Variants in CDH12 observed in about 807,000 individuals in gnomAD.
CDH12 encodes the protein cadherin-12.
A neutral mutation model predicts 74.1 loss-of-function variants in CDH12; 41 were observed. That is an observed-to-expected ratio of 0.55 (90% CI 0.43 to 0.72). CDH12 has a LOEUF of 0.72. Among genes scored for constraint, CDH12 ranks in the 30% least tolerant of loss-of-function variants. The pLI is 0.00. For synonymous variants in CDH12, 399 were observed against 355.0 expected (o/e 1.12, Z -1.39); for missense variants, 945 against 977.2 (o/e 0.97, Z 0.44).
chr5:22,499,587 C>T (rs550352356), intron 2 of CDH12, among the ~76,000 whole-genome samples: 1 of 152,130 alleles, frequency 6.6e-6, no homozygotes, highest in Admixed American at 6.6e-5. Flanking sequence ...ACTTAATCCC[C>T]ATTCCAGAGG....
intron 1 of CDH12, among the ~76,000 whole-genome samples, chr5:22,845,396 A>T (rs1737255253): frequency 6.6e-6 from 1 of 152,148 alleles, no homozygotes; most frequent in Admixed American, 6.6e-5. Context: ...ATTATGATGT[A>T]AATTGCTCAA....
chr5:22,765,571 G>T (rs369415078), intron 1 of CDH12, among the ~76,000 whole-genome samples: 8 of 152,004 alleles, frequency 5.3e-5, no homozygotes, highest in African/African-American at 1.9e-4. Context: ...TTTTCAGATT[G>T]ATTTTTTAAC....
At chr5:22,276,471 C>T (rs1407839623) in intron 3 of CDH12, among the ~76,000 whole-genome samples, 4 of 152,128 alleles carry the variant, frequency 2.6e-5, no homozygotes, top group Admixed American at 2.6e-4. Flanking sequence ...TCAAAATCAG[C>T]AATAGCATGT....
intron 1 of CDH12, among the ~76,000 whole-genome samples, chr5:22,839,820 A>T (rs1333101204): frequency 1.3e-5 from 2 of 152,232 alleles, no homozygotes; most frequent in African/African-American, 4.8e-5. Flanking sequence ...CTGAACATTT[A>T]AAAGCATAAA....
chr5:22,777,707 C>T (rs542981361), intron 1 of CDH12, among the ~76,000 whole-genome samples: 19 of 151,798 alleles, frequency 1.3e-4, no homozygotes, highest in African/African-American at 3.9e-4. Flanking sequence ...GAAAGGTGTT[C>T]GTCATTATAA....
chr5:22,559,683 G>T (rs1439787586), intron 1 of CDH12, among the ~76,000 whole-genome samples: 1 of 152,038 alleles, frequency 6.6e-6, no homozygotes, highest in Non-Finnish European at 1.5e-5. Flanking sequence ...AATTTTAACT[G>T]TATGAAAGTT....
chr5:22,153,280 A>G lies in CDH12; in HGVS notation c.-187+59218T>C, dbSNP rs557888273. On this transcript the variant is annotated intron_variant, in intron 4 of 14. Coordinates refer to ENST00000382254, the MANE Select transcript of CDH12 (RefSeq NM_004061.5). ...ACTTCAATGTGCAGATGAATTACCTAAAATTCTTTATAAATTGCAAATGCT... is the reference window on the plus strand; with the variant it reads ...ACTTCAATGTGCAGATGAATTACCTGAAATTCTTTATAAATTGCAAATGCT... Among the ~76,000 whole-genome samples the G allele has an allele frequency of 2.8e-4, 42 of 150,960 alleles. 1 individual carries two copies. Among genetic ancestry groups the G allele is most frequent in the Admixed American group, 9.3e-4 (14 of 15,082 alleles).
intron 1 of CDH12, among the ~76,000 whole-genome samples, chr5:22,669,897 C>T (rs1269966013): frequency 6.7e-6 from 1 of 148,778 alleles, no homozygotes; most frequent in Non-Finnish European, 1.5e-5. Context: ...TAGGTCAAAA[C>T]TATGAAGTAG....
intron 5 of CDH12, among the ~76,000 whole-genome samples, chr5:22,062,314 C>T (rs549347011): frequency 1.3e-5 from 2 of 152,114 alleles, no homozygotes; most frequent in South Asian, 4.2e-4. Context: ...GACTATTTGC[C>T]AGGAACATTA....
intron 3 of CDH12, among the ~76,000 whole-genome samples, chr5:22,288,156 C>T (rs761990044): frequency 6.6e-6 from 1 of 152,056 alleles, no homozygotes; most frequent in Non-Finnish European, 1.5e-5. Context: ...AGAGCCAGAC[C>T]CATTCTCTGG....
chr5:22,330,308 C>A (rs1739293913), intron 3 of CDH12, among the ~76,000 whole-genome samples: 2 of 152,186 alleles, frequency 1.3e-5, no homozygotes, highest in South Asian at 4.2e-4. Context: ...CAGGATATTA[C>A]CTGCTGACTA....
At chr5:21,841,740 C>G (rs979471706) in intron 8 of CDH12, among the ~76,000 whole-genome samples, 2 of 151,762 alleles carry the variant, frequency 1.3e-5, no homozygotes, top group African/African-American at 4.8e-5. Flanking sequence ...TCATCATTCT[C>G]AGTAAACTAT....
At chr5:21,973,507 C>T (rs1756942485) in intron 6 of CDH12, among the ~76,000 whole-genome samples, 1 of 152,174 alleles carries the variant, frequency 6.6e-6, no homozygotes, top group Non-Finnish European at 1.5e-5. Context: ...TCCAACTCTG[C>T]AGCCCTAGTT....
chr5:22,822,353 A>T (rs1260916793), intron 1 of CDH12, among the ~76,000 whole-genome samples: 2 of 152,180 alleles, frequency 1.3e-5, no homozygotes, highest in Non-Finnish European at 2.9e-5. Flanking sequence ...CACCAAAAGC[A>T]ATGGCAACAA....
chr5:22,651,335 T>C (rs2126884006), intron 1 of CDH12, among the ~76,000 whole-genome samples: 1 of 152,080 alleles, frequency 6.6e-6, no homozygotes, highest in South Asian at 2.1e-4. Flanking sequence ...CTCCCCAAGA[T>C]TGGGCAATTT....
At chr5:22,797,252 G>A (rs1275653686) in intron 1 of CDH12, among the ~76,000 whole-genome samples, 1 of 148,656 alleles carries the variant, frequency 6.7e-6, no homozygotes, top group African/African-American at 2.5e-5. Flanking sequence ...AAGACACAGC[G>A]AGAAGACAAC....
chr5:22,516,707 A>G (rs1030739836), intron 1 of CDH12, among the ~76,000 whole-genome samples: 1 of 152,110 alleles, frequency 6.6e-6, no homozygotes, highest in Admixed American at 6.6e-5. Flanking sequence ...GAGTGGGAGG[A>G]TGACTTGAGC....
chr5:22,711,109 T>C (rs1427210707), intron 1 of CDH12, among the ~76,000 whole-genome samples: 2 of 151,848 alleles, frequency 1.3e-5, no homozygotes, highest in Admixed American at 6.6e-5. Flanking sequence ...CTTTGTAAAA[T>C]TGGGAAAATC....
rs143627814 is a variant in CDH12, at chr5:21,892,179, T to A, written c.527-37389A>T. Among the ~76,000 whole-genome samples, 744 of 152,314 alleles carry A rather than the reference T, an allele frequency of 4.9e-3. 6 individuals carry two copies. The highest frequency in any genetic ancestry group is 0.017 in the African/African-American group (709 of 41,588). On this transcript the variant is annotated intron_variant, in intron 6 of 14. Transcript: ENST00000382254. ...GGAGTAAAAGATGCATAACATTTTT[T>A]AAATGCTTTCTGTGATAATGCTAGT...
Sources: gnomAD v4.1 joint callset for allele counts (sites outside exome capture counted in the v4.1 genomes callset) on GRCh38, gnomAD v4.1.1 for gene constraint, MANE v1.5 for transcripts, NCBI Gene and HGNC (gene_info 2026-07-23, HGNC 2026-07-21) for gene names.